The following CACNA2D3 variants were observed in gnomAD, a reference collection of about 807,000 sequenced individuals.
The protein encoded by CACNA2D3 is voltage-dependent calcium channel subunit alpha-2/delta-3.
CACNA2D3 carries 60 observed loss-of-function variants against 160.6 expected under a neutral mutation model. That is an observed-to-expected ratio of 0.37 (90% CI 0.30 to 0.46). The LOEUF (loss-of-function observed/expected upper bound fraction) is 0.46. CACNA2D3 is among the 20% of genes least tolerant of loss of function. The pLI is 1.00. For missense variants in CACNA2D3, 1,205 were observed against 1,365.0 expected (o/e 0.88, Z 1.85); for synonymous variants, 558 against 492.9 (o/e 1.13, Z -1.75).
At chr3:54,785,434 CTTA>C (rs1307236102) in intron 13 of CACNA2D3, among the ~76,000 whole-genome samples, 1 of 152,034 alleles carries the variant, frequency 6.6e-6, no homozygotes, top group Admixed American at 6.6e-5. Flanking sequence ...ATGTGCATGT[CTTA>C]TTATTTCATT....
intron 5 of CACNA2D3, among the ~76,000 whole-genome samples, chr3:54,504,619 A>G (rs553625718): frequency 2.0e-4 from 31 of 152,342 alleles, no homozygotes; most frequent in African/African-American, 7.0e-4. Context: ...AAAATAAGCC[A>G]GAAAGTCATG....
At chr3:54,368,111 C>T (rs1250205394) in intron 3 of CACNA2D3, among the ~76,000 whole-genome samples, 1 of 152,146 alleles carries the variant, frequency 6.6e-6, no homozygotes, top group Non-Finnish European at 1.5e-5. Flanking sequence ...TATTGGAATA[C>T]ATAGCTTGTT....
intron 2 of CACNA2D3, among the ~76,000 whole-genome samples, chr3:54,171,158 T>TTTTTTTTTTTTTTTTA (rs1553743546): frequency 7.1e-6 from 1 of 140,768 alleles, no homozygotes; most frequent in Admixed American, 6.9e-5. Flanking sequence ...TTTTTTTTTT[T>TTTTTTTTTTTTTTTTA]AGGAATAGCT....
intron 2 of CACNA2D3, among the ~76,000 whole-genome samples, chr3:54,299,845 A>C (rs191997423): frequency 3.9e-5 from 6 of 152,318 alleles, no homozygotes; most frequent in Non-Finnish European, 7.3e-5. Context: ...TTGGAAGATA[A>C]ATATTTGGTA....
chr3:54,620,545 A>G (rs1381902225), intron 9 of CACNA2D3, among the ~76,000 whole-genome samples: 1 of 152,222 alleles, frequency 6.6e-6, no homozygotes, highest in African/African-American at 2.4e-5. Flanking sequence ...AAATACAATT[A>G]TAAAGAATTT....
At chr3:54,736,973 T>C (rs1701545247) in intron 11 of CACNA2D3, among the ~76,000 whole-genome samples, 1 of 152,230 alleles carries the variant, frequency 6.6e-6, no homozygotes, top group African/African-American at 2.4e-5. Context: ...TTCAACATGC[T>C]AGGTTTTAGT....
chr3:54,346,277 T>C (rs1444164312), intron 3 of CACNA2D3, among the ~76,000 whole-genome samples: 1 of 152,164 alleles, frequency 6.6e-6, no homozygotes, highest in Non-Finnish European at 1.5e-5. Context: ...TCTCATCCAG[T>C]GTCTGGTCCA....
At chr3:54,475,758 A>G (rs997566395) in intron 4 of CACNA2D3, among the ~76,000 whole-genome samples, 1 of 151,640 alleles carries the variant, frequency 6.6e-6, no homozygotes, top group Non-Finnish European at 1.5e-5. Flanking sequence ...TGATGTTTTG[A>G]TATACATATA....
intron 11 of CACNA2D3, among the ~76,000 whole-genome samples, chr3:54,736,087 G>GTATATATACATACATACATATATA (rs1559563720): frequency 4.9e-5 from 1 of 20,240 alleles, no homozygotes; most frequent in Non-Finnish European, 1.3e-4. Context: ...ATATATGTAT[G>GTATATATACATACATACATATATA]TGTATATATA....
intron 3 of CACNA2D3, among the ~76,000 whole-genome samples, chr3:54,323,397 C>G (rs1478540088): frequency 6.6e-6 from 1 of 152,054 alleles, no homozygotes; most frequent in African/African-American, 2.4e-5. Context: ...GGTCCTTTCC[C>G]ATGCCACCCA....
At chr3:54,486,656 C>A (rs1701019629) in intron 4 of CACNA2D3, among the ~76,000 whole-genome samples, 1 of 152,160 alleles carries the variant, frequency 6.6e-6, no homozygotes, top group Non-Finnish European at 1.5e-5. Flanking sequence ...GGCAAGATGA[C>A]CACTGGCAGC....
chr3:54,374,073 T>C (rs554650333), intron 3 of CACNA2D3, among the ~76,000 whole-genome samples: 1 of 152,330 alleles, frequency 6.6e-6, no homozygotes, highest in East Asian at 1.9e-4. Flanking sequence ...GGAATATCTT[T>C]AGGCGTTTCA....
chr3:54,641,590 C>T (rs149421598), intron 10 of CACNA2D3, among the ~76,000 whole-genome samples: 1 of 152,310 alleles, frequency 6.6e-6, no homozygotes, highest in Non-Finnish European at 1.5e-5. Context: ...CAGGAGAAGA[C>T]TTTATATGAC....
chr3:54,212,745 C>T (rs1162173938), intron 2 of CACNA2D3, among the ~76,000 whole-genome samples: 2 of 151,966 alleles, frequency 1.3e-5, no homozygotes, highest in Admixed American at 6.6e-5. Flanking sequence ...GGTGGGAATG[C>T]CTTAGAATTT....
At chr3:54,935,795 G>T (rs532720396) in intron 27 of CACNA2D3, among the ~76,000 whole-genome samples, 1 of 152,250 alleles carries the variant, frequency 6.6e-6, no homozygotes, top group South Asian at 2.1e-4. Context: ...ACAAGTCTGT[G>T]TTATGCTTTT....
chr3:54,773,147 C>A (rs1456377520), intron 13 of CACNA2D3, among the ~76,000 whole-genome samples: 1 of 152,196 alleles, frequency 6.6e-6, no homozygotes, highest in Non-Finnish European at 1.5e-5. Flanking sequence ...CTTCTCAGCC[C>A]CCACTAAGTC....
rs1416903178 is a variant in CACNA2D3 at position 54,393,842 on chromosome 3, C to T, written c.381+7068C>T. Among the ~76,000 whole-genome samples the T allele has an allele frequency of 2.6e-5, 4 of 152,352 alleles. No homozygotes were observed. The South Asian group carries it at 8.3e-4, about 32-fold the overall frequency. ...GCTGAAGAACTGTAGTACCCTGCTT[C>T]CCTAGAACTGGACTGTCCTTGCAGA... On this transcript the variant is annotated intron_variant, in intron 4 of 37. Coordinates refer to ENST00000474759, the MANE Select transcript of CACNA2D3 (RefSeq NM_018398.3).
intron 4 of CACNA2D3, among the ~76,000 whole-genome samples, chr3:54,480,180 CA>C (rs990828365): frequency 1.3e-5 from 2 of 150,170 alleles, no homozygotes; most frequent in Admixed American, 6.6e-5. Flanking sequence ...CCTGTCTCTA[CA>C]AAAAAAAAGA....
At chr3:54,389,251 C>T (rs1975611) in intron 4 of CACNA2D3, among the ~76,000 whole-genome samples, 32,454 of 150,946 alleles carry the variant, frequency 0.22, 3,571 homozygotes, top group Admixed American at 0.29. Flanking sequence ...GCCGAGATCA[C>T]GCCAGTGCAC....
Sources: allele counts gnomAD v4.1 joint callset (sites outside exome capture counted in the v4.1 genomes callset), GRCh38; gene constraint gnomAD v4.1.1; transcripts MANE v1.5; gene names NCBI Gene and HGNC (gene_info 2026-07-23, HGNC 2026-07-21).